Variants in LRGUK observed in about 807,000 individuals in gnomAD.
The protein encoded by LRGUK is leucine-rich repeat and guanylate kinase domain-containing protein.
A neutral mutation model predicts 76.0 loss-of-function variants in LRGUK; 65 were observed. That is an observed-to-expected ratio of 0.85 (90% CI 0.70 to 1.05). LRGUK has a LOEUF of 1.05. Among genes scored for constraint, LRGUK ranks in the 50% least tolerant of loss-of-function variants. The pLI is 0.00. For missense variants in LRGUK, 758 were observed against 732.8 expected (o/e 1.03, Z -0.40); for synonymous variants, 268 against 265.6 (o/e 1.01, Z -0.09).
chr7:134,143,100 C>T (rs772597521), exon 4 of LRGUK: 9 of 1,610,274 alleles, frequency 5.6e-6, no homozygotes, highest in Non-Finnish European at 7.6e-6. Flanking sequence ...TCTCCTAGAA[C>T]TTAATGCTTC....
the LRGUK span, among the ~76,000 whole-genome samples, chr7:134,274,097 G>A: frequency 1.6e-3 from 240 of 152,234 alleles, no homozygotes; most frequent in East Asian, 0.01. Context: ...TATCTACTTC[G>A]TCCACTATGG....
chr7:134,158,795 C>G (rs960111019), intron 6 of LRGUK, among the ~76,000 whole-genome samples: 1 of 152,032 alleles, frequency 6.6e-6, no homozygotes, highest in Admixed American at 6.6e-5. Context: ...TCTAATAGTC[C>G]CAAAGATATA....
chr7:134,133,264 C>T (rs1487096829), intron 1 of LRGUK, among the ~76,000 whole-genome samples: 2 of 152,154 alleles, frequency 1.3e-5, no homozygotes, highest in African/African-American at 2.4e-5. Flanking sequence ...GTACATGCTG[C>T]CCCTTTTGCC....
chr7:134,170,016 G>A (rs1799175569), intron 7 of LRGUK, among the ~76,000 whole-genome samples: 1 of 151,998 alleles, frequency 6.6e-6, no homozygotes, highest in African/African-American at 2.4e-5. Context: ...ACACCTTTGT[G>A]AGCAAATATC....
At chr7:134,143,082 A>G (rs761897782) in exon 4 of LRGUK, 2 of 1,599,786 alleles carry the variant, frequency 1.3e-6, no homozygotes, top group South Asian at 1.1e-5. Flanking sequence ...TGTGAGTTGT[A>G]TGCCTTATCT....
intron 11 of LRGUK, 76 bp from the exon 12 acceptor site, chr7:134,191,579 A>T: frequency 4.1e-6 from 4 of 975,160 alleles, no homozygotes; most frequent in Non-Finnish European, 6.4e-6. Context: ...TTTTTAAAAC[A>T]TAATTTATAT....
Position 134,183,762 on chromosome 7 carries a change from C to G in LRGUK, c.1243C>G (p.Pro415Ala), listed in dbSNP as rs1307684986. ...TCTTCCCAGCCTGGATGCCCCTTAT[C>G]CCATGCTGATACTAGCTGGTCCTGA... Residue 415 changes from proline (P) to alanine (A), a missense_variant, in exon 11 of 16, where the codon CCC becomes GCC. Coordinates refer to ENST00000645682, the Ensembl canonical transcript of LRGUK. 5 of 1,613,972 alleles carry G rather than the reference C, an allele frequency of 3.1e-6. No homozygotes were observed. In the Admixed American group the frequency reaches 5.0e-5, roughly 16 times the overall value.
intron 15 of LRGUK, among the ~76,000 whole-genome samples, chr7:134,219,563 CT>C (rs887213397): frequency 6.6e-6 from 1 of 152,136 alleles, no homozygotes; most frequent in Non-Finnish European, 1.5e-5. Context: ...TAAATTTTAT[CT>C]TATTTATATG....
At chr7:134,245,093 A>G (rs1216858363) in intron 16 of LRGUK, among the ~76,000 whole-genome samples, 1 of 152,156 alleles carries the variant, frequency 6.6e-6, no homozygotes, top group Non-Finnish European at 1.5e-5. Context: ...GTAAATGACG[A>G]GTTAATGGGT....
chr7:134,158,236 A>G (rs1260979591), intron 6 of LRGUK, 77 bp downstream of exon 6: 1 of 1,303,412 alleles, frequency 7.7e-7, no homozygotes, highest in Non-Finnish European at 1.1e-6. Flanking sequence ...ATGACTACTT[A>G]GGATTCAAAT....
intron 12 of LRGUK, 133 bp downstream of exon 12, chr7:134,191,884 G>GTTTT: frequency 2.2e-6 from 1 of 449,730 alleles, no homozygotes; most frequent in Non-Finnish European, 3.8e-6. Flanking sequence ...TTTTTATGGG[G>GTTTT]TTTTTTTTTT....
At chr7:134,220,378 G>T (rs1031525782) in intron 15 of LRGUK, among the ~76,000 whole-genome samples, 7 of 152,024 alleles carry the variant, frequency 4.6e-5, no homozygotes, top group Non-Finnish European at 8.8e-5. Context: ...TTGTGTTATT[G>T]GTTTGGGATT....
intron 19 of LRGUK, among the ~76,000 whole-genome samples, chr7:134,258,607 G>T (rs1802644121): frequency 1.3e-5 from 2 of 151,720 alleles, no homozygotes; most frequent in African/African-American, 4.8e-5. Context: ...GCTGAGGCAA[G>T]AGAATTGCTT....
intron 11 of LRGUK, among the ~76,000 whole-genome samples, chr7:134,184,559 G>A (rs945840667): frequency 5.3e-5 from 8 of 151,926 alleles, no homozygotes; most frequent in African/African-American, 1.2e-4. Flanking sequence ...GTGAGCCACC[G>A]CGCCTGACCG....
At chr7:134,127,610 C>G (rs143224172) in exon 1 of LRGUK, 1 of 1,614,152 alleles carries the variant, frequency 6.2e-7, no homozygotes, top group Admixed American at 1.7e-5. Flanking sequence ...AGGACCAGGG[C>G]GAGGGCGAGG....
the LRGUK span, among the ~76,000 whole-genome samples, chr7:134,271,547 C>A: frequency 2.6e-5 from 4 of 151,782 alleles, no homozygotes; most frequent in South Asian, 8.3e-4. Context: ...GTTTGTAATA[C>A]CCTCTCTCTC....
chr7:134,257,519 A>G (rs1802615129), intron 18 of LRGUK, among the ~76,000 whole-genome samples: 1 of 152,168 alleles, frequency 6.6e-6, no homozygotes, highest in Admixed American at 6.5e-5. Flanking sequence ...AAAAATGGAA[A>G]TGAGTGTGGG....
exon 18 of LRGUK, chr7:134,248,990 T>C: frequency 6.3e-7 from 1 of 1,598,906 alleles, no homozygotes; most frequent in Non-Finnish European, 8.5e-7. Context: ...GTCTACACTA[T>C]TATACAACTT....
intron 18 of LRGUK, among the ~76,000 whole-genome samples, chr7:134,256,296 A>G (rs1241438420): frequency 6.6e-6 from 1 of 151,876 alleles, no homozygotes; most frequent in African/African-American, 2.4e-5. Flanking sequence ...CGTCTCTACT[A>G]AAAATACAAA....
Sources: gnomAD v4.1 joint callset for allele counts (sites outside exome capture counted in the v4.1 genomes callset) on GRCh38, gnomAD v4.1.1 for gene constraint, MANE v1.5 for transcripts, NCBI Gene and HGNC (gene_info 2026-07-23, HGNC 2026-07-21) for gene names.